TPBG: variants seen among roughly 807,000 people sequenced by gnomAD.
TPBG encodes the protein trophoblast glycoprotein.
A neutral mutation model predicts 19.3 loss-of-function variants in TPBG; 13 were observed. The ratio of observed to expected loss-of-function variants is 0.67; its 90% confidence interval spans 0.44 to 1.07. TPBG has a LOEUF of 1.07. Among genes scored for constraint, TPBG ranks in the 50% least tolerant of loss-of-function variants. The pLI is 0.00. For synonymous variants in TPBG, 338 were observed against 259.8 expected (o/e 1.30, Z -2.89); for missense variants, 642 against 559.6 (o/e 1.15, Z -1.49).
At chr6:82,364,038 C>G (rs140215741) in intron 1 of TPBG, 130 bp downstream of exon 1, 15 of 152,472 alleles carry the variant, frequency 9.8e-5, no homozygotes, top group African/African-American at 3.6e-4. Context: ...TGCTTTGTTC[C>G]CAGACTCTCC....
In TPBG at chr6:82,366,326, A is replaced by G. The variant is rs1337671091; in HGVS notation, c.*102A>G. On this transcript the variant is annotated 3_prime_UTR_variant, in exon 2 of 2. Transcript: ENST00000369750. ...ACTTTCATCCTCCACTATAGATACA[A>G]CGGACTTTGACTAAAAGCAGTGAAG... 1 of 1,325,354 alleles carries G rather than the reference A, an allele frequency of 7.5e-7. No homozygotes were observed. Among genetic ancestry groups the G allele is most frequent in the Non-Finnish European group, 1.0e-6 (1 of 986,222 alleles). The allele number at this position is 1,325,354 out of a possible 1,614,324, so 82.1% of individuals were successfully genotyped here. A position where few individuals can be genotyped will look rare whatever the true frequency, so the allele number is the denominator to read the frequency against.
At position 82,366,816 on chromosome 6, in the gene TPBG, T is replaced by G. The variant is rs549582015; in HGVS notation, c.*592T>G. On this transcript the variant is annotated 3_prime_UTR_variant, in exon 2 of 2. Coordinates refer to ENST00000369750, the MANE Select transcript of TPBG (RefSeq NM_001376922.1). ...TCATAACTTCTTTGACAAAGTAAAT[T>G]ACTTTTTTGATTGCAGTTTATATGA... 3 of 167,102 alleles carry G rather than the reference T, an allele frequency of 1.8e-5. No homozygotes were observed. In the East Asian group the frequency reaches 5.8e-4, roughly 32 times the overall value. 10.4% of individuals were successfully genotyped at this position (167,102 alleles called of 1,614,324 possible). A position where few individuals can be genotyped will look rare whatever the true frequency, so the allele number is the denominator to read the frequency against.
At position 82,367,230 on chromosome 6, in the gene TPBG, G is replaced by A. The variant is rs1404873030; in HGVS notation, c.*1006G>A. 6.0e-6 allele frequency: 1 copy of A among 166,980 alleles called. No individual in the cohort carries two copies. Among genetic ancestry groups the A allele is most frequent in the Admixed American group, 6.5e-5 (1 of 15,272 alleles). The allele number at this position is 166,980 out of a possible 1,614,324, so 10.3% of individuals were successfully genotyped here. On this transcript the variant is annotated 3_prime_UTR_variant, in exon 2 of 2. Coordinates refer to ENST00000369750, the MANE Select transcript of TPBG (RefSeq NM_001376922.1). ...TGCACAATAAACAGTTCCCAGTTTGGGGCTTTTTCAAGGCTAATGAAGTTA... is the reference window on the plus strand; with the variant it reads ...TGCACAATAAACAGTTCCCAGTTTGAGGCTTTTTCAAGGCTAATGAAGTTA...
At position 82,365,194 on chromosome 6, in the gene TPBG, T is replaced by C. The variant is rs749510960; in HGVS notation, c.233T>C (p.Val78Ala). ...CSEAARTVKC[V>A]NRNLTEVPTD... The stretch of plus-strand genomic sequence containing the variant: ...GAGGCAGCGCGCACAGTCAAGTGCG[T>C]TAACCGCAATCTGACCGAGGTGCCC... Residue 78 changes from valine to alanine, a missense_variant, in exon 2 of 2, where the codon GTT (valine) becomes GCT (alanine). Coordinates refer to ENST00000369750, the MANE Select transcript of TPBG (RefSeq NM_001376922.1). The C allele has an allele frequency of 6.3e-7, 1 of 1,598,436 alleles. No homozygotes were observed. The highest frequency in any genetic ancestry group is 8.5e-7 in the Non-Finnish European group (1 of 1,174,554).
In TPBG at chr6:82,364,758, G is replaced by C. The variant is rs545290727; in HGVS notation, c.-204G>C. ...GCCGTGCGTACTTTCTGGAGGGAAG[G>C]GGCGGGGGAATCGGCCCCTGAGGGA... On this transcript the variant is annotated 5_prime_UTR_variant, in exon 2 of 2. Transcript: ENST00000369750. The C allele has an allele frequency of 2.1e-6, 1 of 469,994 alleles. No individual in the cohort carries two copies. Among genetic ancestry groups the C allele is most frequent in the Non-Finnish European group, 3.7e-6 (1 of 273,066 alleles). 29.1% of individuals were successfully genotyped at this position (469,994 alleles called of 1,614,324 possible).
chr6:82,366,148 T>C lies in TPBG; in HGVS notation c.1187T>C (p.Met396Thr), dbSNP rs1767495424. 1.2e-6 allele frequency: 2 copies of C among 1,613,766 alleles called. No homozygotes were observed. The highest frequency in any genetic ancestry group is 1.3e-5 in the African/African-American group (1 of 74,918). ...HNIRDACRDHMEGYHYRYEIN... is the reference protein window; with the variant it reads ...HNIRDACRDHTEGYHYRYEIN... ...ATCAGAGATGCCTGCAGGGATCACA[T>C]GGAAGGGTATCATTACAGATATGAA... The change falls in exon 2 of 2, where the codon ATG becomes ACG. Residue 396 changes from methionine to threonine, a missense_variant. By Grantham distance (81) the Met-to-Thr change is moderately conservative (BLOSUM62 -1). Coordinates refer to ENST00000369750, the MANE Select transcript of TPBG (RefSeq NM_001376922.1).
In TPBG at chr6:82,365,627, C is replaced by A; in HGVS notation, c.666C>A (p.Phe222Leu). ...LRRLELASNH[F>L]LYLPRDVLAQ... The stretch of plus-strand genomic sequence containing the variant: ...GCTTGGAGCTGGCCAGCAACCACTT[C>A]CTTTACCTGCCGCGGGATGTGCTGG... The change falls in exon 2 of 2, where the codon TTC becomes TTA. Residue 222 changes from phenylalanine (F) to leucine (L), a missense_variant. Phe to Leu is a conservative substitution (Grantham distance 22, BLOSUM62 0). Coordinates refer to ENST00000369750, the MANE Select transcript of TPBG (RefSeq NM_001376922.1). 6.2e-7 allele frequency: 1 copy of A among 1,604,668 alleles called. No individual in the cohort carries two copies. Among genetic ancestry groups the A allele is most frequent in the Non-Finnish European group, 8.5e-7 (1 of 1,175,234 alleles).
In TPBG at chr6:82,365,456, C is replaced by G; in HGVS notation, c.495C>G (p.Ser165Arg). The change falls in exon 2 of 2, where the codon AGC becomes AGG. Residue 165 changes from serine (S) to arginine (R), a missense_variant. Physicochemically the swap from Ser to Arg is moderately radical, Grantham distance 110 (BLOSUM62 -1). Transcript: ENST00000369750. ...TCAGTCCCTTCGCTTTCTCGGGCAG[C>G]AATGCCAGCGTCTCGGCCCCCAGTC... ...ADLSPFAFSG[S>R]NASVSAPSPL... 6.2e-7 allele frequency: 1 copy of G among 1,610,784 alleles called. No individual in the cohort carries two copies. The highest frequency in any genetic ancestry group is 1.7e-5 in the Admixed American group (1 of 59,654).
rs539104913 is a variant in TPBG, at chr6:82,364,705, A to AGGAGCGC, written c.-250_-244dup. On this transcript the variant is annotated 5_prime_UTR_variant, in exon 2 of 2. Transcript: ENST00000369750. ...CGGCGGCAGGAAGAGGAGCGGGAGC[A>AGGAGCGC]GGAGCGCGGAGCGGAGCGTCCCGAC... 1.6e-3 allele frequency: 685 copies of AGGAGCGC among 424,370 alleles called. 14 individuals are homozygous for AGGAGCGC. The East Asian group carries it at 0.021, about 13-fold the overall frequency. The allele number at this position is 424,370 out of a possible 1,614,324, so 26.3% of individuals were successfully genotyped here. A position where few individuals can be genotyped will look rare whatever the true frequency, so the allele number is the denominator to read the frequency against.
Position 82,366,360 on chromosome 6 carries a change from C to A in TPBG, c.*136C>A. On this transcript the variant is annotated 3_prime_UTR_variant, in exon 2 of 2. Coordinates refer to ENST00000369750, the MANE Select transcript of TPBG (RefSeq NM_001376922.1). ...GACTAAAAGCAGTGAAGGGGATTTG[C>A]TTCCTTGTTATGTAAAGTTTCTCGG... The A allele has an allele frequency of 9.7e-7, 1 of 1,035,234 alleles. No homozygotes were observed. Among genetic ancestry groups the A allele is most frequent in the South Asian group, 2.1e-5 (1 of 48,300 alleles). 64.1% of individuals were successfully genotyped at this position (1,035,234 alleles called of 1,614,324 possible).
chr6:82,365,536 A>C lies in TPBG; in HGVS notation c.575A>C (p.Asn192Thr), dbSNP rs1005393983. The C allele has an allele frequency of 1.9e-6, 3 of 1,575,812 alleles. No individual in the cohort carries two copies. The African/African-American group carries it at 4.1e-5, about 21-fold the overall frequency. ...GTGCCCCCTGAAGATGAGCGGCAGAACCGGAGCTTCGAGGGCATGGTGGTG... is the reference window on the plus strand; with the variant it reads ...GTGCCCCCTGAAGATGAGCGGCAGACCCGGAGCTTCGAGGGCATGGTGGTG... ...HIVPPEDERQ[N>T]RSFEGMVVAA... Residue 192 changes from asparagine (N) to threonine (T), a missense_variant, in exon 2 of 2, where the codon AAC becomes ACC. Transcript: ENST00000369750.
rs770267901 is a variant in TPBG, at chr6:82,366,897, TAAAA to T, written c.*684_*687del. The stretch of plus-strand genomic sequence containing the variant: ...ATCGAGATCCAACCGACTGAATTGT[TAAAA>T]AAAAAAAAAATAAAGATTCTTAAAA... On this transcript the variant is annotated 3_prime_UTR_variant, in exon 2 of 2. Transcript: ENST00000369750. 1 of 150,426 alleles carries T rather than the reference TAAAA, an allele frequency of 6.6e-6. No homozygotes were observed. Among genetic ancestry groups the T allele is most frequent in the Non-Finnish European group, 1.5e-5 (1 of 65,340 alleles). The allele number at this position is 150,426 out of a possible 1,614,324, so 9.3% of individuals were successfully genotyped here.
chr6:82,366,216 G>A lies in TPBG; in HGVS notation c.1255G>A (p.Asp419Asn), dbSNP rs1767499550. 6.3e-7 allele frequency: 1 copy of A among 1,580,042 alleles called. No homozygotes were observed. Among genetic ancestry groups the A allele is most frequent in the Admixed American group, 1.8e-5 (1 of 55,496 alleles). Residue 419 changes from aspartate (D) to asparagine (N), a missense_variant, in exon 2 of 2, where the codon GAT becomes AAT. By Grantham distance (23) the Asp-to-Asn change is conservative. Transcript: ENST00000369750. ...PRLTNLSSNSDV is the reference protein window; with the variant it reads ...PRLTNLSSNSNV ...ATTAACGAACCTCAGTTCTAACTCG[G>A]ATGTCTGAGAAATATTAGAGGACAG...
rs140570934 is a variant in TPBG at position 82,366,314 on chromosome 6, A to G, written c.*90A>G. 485 of 1,417,828 alleles carry G rather than the reference A, an allele frequency of 3.4e-4. 3 individuals carry two copies. The African/African-American group carries it at 6.4e-3, about 19-fold the overall frequency. The allele number at this position is 1,417,828 out of a possible 1,614,324, so 87.8% of individuals were successfully genotyped here. A position where few individuals can be genotyped will look rare whatever the true frequency, so the allele number is the denominator to read the frequency against. On this transcript the variant is annotated 3_prime_UTR_variant, in exon 2 of 2. Coordinates refer to ENST00000369750, the MANE Select transcript of TPBG (RefSeq NM_001376922.1). ...TAGGCTTGCTCCACTTTCATCCTCC[A>G]CTATAGATACAACGGACTTTGACTA...
chr6:82,364,802 G>C lies in TPBG; in HGVS notation c.-160G>C, dbSNP rs1400178844. 2 of 580,060 alleles carry C rather than the reference G, an allele frequency of 3.4e-6. No individual in the cohort carries two copies. The highest frequency in any genetic ancestry group is 5.5e-6 in the Non-Finnish European group (2 of 364,748). 35.9% of individuals were successfully genotyped at this position (580,060 alleles called of 1,614,324 possible). A position where few individuals can be genotyped will look rare whatever the true frequency, so the allele number is the denominator to read the frequency against. On this transcript the variant is annotated 5_prime_UTR_variant, in exon 2 of 2. Transcript: ENST00000369750. ...TGAGGGAAGCGCCCGGTGGCGAGGG[G>C]GTTAGCCAAGTTCCGGCTGCGGCGC...
In TPBG at chr6:82,364,661, C is replaced by T; in HGVS notation, c.-301C>T. On this transcript the variant is annotated 5_prime_UTR_variant, in exon 2 of 2. Coordinates refer to ENST00000369750, the MANE Select transcript of TPBG (RefSeq NM_001376922.1). ...TCCAGCGAGGGGCGCCAACAAGAGG[C>T]GAAGAGGTGGCACCAGGGCGGCGGC... is the stretch of plus-strand genomic sequence containing the variant. The T allele has an allele frequency of 2.7e-6, 1 of 375,018 alleles. No individual in the cohort carries two copies. The highest frequency in any genetic ancestry group is 4.7e-6 in the Non-Finnish European group (1 of 212,530). 23.2% of individuals were successfully genotyped at this position (375,018 alleles called of 1,614,324 possible).
Position 82,364,974 on chromosome 6 carries a change from T to A in TPBG, c.13T>A (p.Cys5Ser), listed in dbSNP as rs775867366. 3 of 1,505,658 alleles carry A rather than the reference T, an allele frequency of 2.0e-6. No individual in the cohort carries two copies. Among genetic ancestry groups the A allele is most frequent in the Middle Eastern group, 2.2e-4 (1 of 4,622 alleles). 93.3% of individuals were successfully genotyped at this position (1,505,658 alleles called of 1,614,324 possible). ...AACGCGAGCCGCGATGCCTGGGGGG[T>A]GCTCCCGGGGCCCCGCCGCCGGGGA... MPGG[C>S]SRGPAAGDGR... is the part of the protein sequence containing the mutation. Residue 5 changes from cysteine (C) to serine (S), a missense_variant, in exon 2 of 2, where the codon TGC becomes AGC. Cys to Ser is a moderately radical substitution (Grantham distance 112). Coordinates refer to ENST00000369750, the MANE Select transcript of TPBG (RefSeq NM_001376922.1).
At position 82,366,587 on chromosome 6, in the gene TPBG, A is replaced by G. The variant is rs1767510848; in HGVS notation, c.*363A>G. The G allele has an allele frequency of 5.3e-6, 1 of 188,644 alleles. No individual in the cohort carries two copies. The highest frequency in any genetic ancestry group is 1.2e-5 in the Non-Finnish European group (1 of 82,790). The allele number at this position is 188,644 out of a possible 1,614,324, so 11.7% of individuals were successfully genotyped here. ...ATAGCATTCAACAAAAGCTGCCTCAACTTTTTCGAGAAAAATACTTTATTC... is the reference window on the plus strand; with the variant it reads ...ATAGCATTCAACAAAAGCTGCCTCAGCTTTTTCGAGAAAAATACTTTATTC... On this transcript the variant is annotated 3_prime_UTR_variant, in exon 2 of 2. Transcript: ENST00000369750.
intron 1 of TPBG, chr6:82,364,252 G>A (rs1332635393): frequency 1.3e-5 from 2 of 152,504 alleles, no homozygotes; most frequent in Non-Finnish European, 2.9e-5. Context: ...ACACCCGGAG[G>A]CCGACCTTCC....
Sources: allele counts gnomAD v4.1 joint callset, GRCh38; gene constraint gnomAD v4.1.1; transcripts MANE v1.5; gene names NCBI Gene and HGNC (gene_info 2026-07-23, HGNC 2026-07-21).